RBPJ: variants seen among roughly 807,000 people sequenced by gnomAD.
RBPJ encodes the protein recombination signal binding protein for immunoglobulin kappa J region.
RBPJ carries 9 observed loss-of-function variants against 67.8 expected under a neutral mutation model. The observed-to-expected ratio is 0.13, with a 90% confidence interval of 0.08 to 0.23. RBPJ has a LOEUF of 0.23. Ranked by LOEUF, RBPJ falls within the 10% of genes least tolerant of loss-of-function variation. The pLI, the probability that RBPJ is intolerant of heterozygous loss-of-function variation, is 1.00. For synonymous variants in RBPJ, 198 were observed against 203.3 expected, an observed-to-expected ratio of 0.97 and a Z score of 0.22; for missense variants, 305 against 595.6, an observed-to-expected ratio of 0.51 and a Z score of 5.08.
chr4:26,314,010 A>C (rs1722523496), intron 1 of RBPJ, among the ~76,000 whole-genome samples: 1 of 152,158 alleles, frequency 6.6e-6, no homozygotes, highest in Non-Finnish European at 1.5e-5. Context: ...TCCAAGATAG[A>C]CTGTGAGGAA....
the RBPJ span, among the ~76,000 whole-genome samples, chr4:26,124,803 G>A: frequency 5.9e-5 from 9 of 152,090 alleles, no homozygotes; most frequent in African/African-American, 1.4e-4. Context: ...CCACAAACAC[G>A]TGAGTAATGC....
At position 26,432,433 on chromosome 4, in the gene RBPJ, C is replaced by T. The variant is rs553446718; in HGVS notation, c.*1426C>T. ...TTTTGTTTGTTTGTTTTCTCTTTTC[C>T]AGTACTGAGCATCTCCACAAATGTC... is the stretch of plus-strand genomic sequence containing the variant. On this transcript the variant is annotated 3_prime_UTR_variant, in exon 11 of 11. Transcript: ENST00000355476. 1.3e-5 allele frequency: 2 copies of T among 152,078 alleles called. No homozygotes were observed. Among genetic ancestry groups the T allele is most frequent in the East Asian group, 1.9e-4 (1 of 5,178 alleles). 9.4% of individuals were successfully genotyped at this position (152,078 alleles called of 1,614,324 possible). A position where few individuals can be genotyped will look rare whatever the true frequency, so the allele number is the denominator to read the frequency against.
chr4:26,167,166 T>G (rs1716349212), intron 1 of RBPJ, among the ~76,000 whole-genome samples: 2 of 152,076 alleles, frequency 1.3e-5, no homozygotes, highest in South Asian at 4.1e-4. Context: ...TCCAGCTTTG[T>G]TCTTTTGGCT....
In RBPJ at chr4:26,386,411, G is replaced by T. The variant is rs373255498; in HGVS notation, c.59+20G>T. On this transcript the variant is annotated intron_variant, in intron 2 of 10. Transcript: ENST00000355476. ...TACTAGGTGAGTATTATATTAGTCA[G>T]CTTTTTACACATACATTTTATGAAA... 5 of 1,527,812 alleles carry T rather than the reference G, an allele frequency of 3.3e-6. No homozygotes were observed. Among genetic ancestry groups the T allele is most frequent in the Non-Finnish European group, 4.5e-6 (5 of 1,116,334 alleles). The allele number at this position is 1,527,812 out of a possible 1,614,324, so 94.6% of individuals were successfully genotyped here.
chr4:26,194,821 A>G (rs528090092), intron 1 of RBPJ, among the ~76,000 whole-genome samples: 1 of 152,322 alleles, frequency 6.6e-6, no homozygotes, highest in South Asian at 2.1e-4. Flanking sequence ...GGCTGTGACC[A>G]GTGGTCCTGA....
At chr4:26,111,361 T>C in the RBPJ span, among the ~76,000 whole-genome samples, 1 of 152,158 alleles carries the variant, frequency 6.6e-6, no homozygotes, top group African/African-American at 2.4e-5. Flanking sequence ...CCTATCTCTA[T>C]ATAGTGGGCA....
chr4:26,210,700 T>TTTCTTTCTTTCTTTCCTTCTTTCC (rs1348512062), intron 1 of RBPJ, among the ~76,000 whole-genome samples: 1,593 of 59,428 alleles, frequency 0.027, 176 homozygotes, highest in Middle Eastern at 0.035. Context: ...TCTTTCTTTC[T>TTTCTTTCTTTCTTTCCTTCTTTCC]TTCTTTCCTT....
At chr4:26,335,552 G>C (rs773217973) in intron 1 of RBPJ, among the ~76,000 whole-genome samples, 13 of 151,314 alleles carry the variant, frequency 8.6e-5, no homozygotes, top group Non-Finnish European at 1.6e-4. Context: ...TACTCTCCAG[G>C]CTGCTTCATC....
chr4:26,298,052 T>C (rs753255367), intron 1 of RBPJ, among the ~76,000 whole-genome samples: 2 of 152,240 alleles, frequency 1.3e-5, no homozygotes, highest in Non-Finnish European at 2.9e-5. Context: ...TTTCTTCTGA[T>C]TTCCATGAAA....
upstream of RBPJ, among the ~76,000 whole-genome samples, chr4:26,315,675 AT>A (rs1284167185): frequency 2.0e-5 from 3 of 151,968 alleles, no homozygotes; most frequent in Non-Finnish European, 2.9e-5. Context: ...CCAGGGCAGG[AT>A]TTTTTCCCCA....
At chr4:26,316,595 A>ACAC (rs1560258580), upstream of RBPJ, among the ~76,000 whole-genome samples, 63 of 121,436 alleles carry the variant, frequency 5.2e-4, no homozygotes, top group African/African-American at 2.1e-3. Flanking sequence ...TCATATATAT[A>ACAC]ATATATATAT....
At chr4:26,192,396 T>G (rs979833735) in intron 1 of RBPJ, among the ~76,000 whole-genome samples, 5 of 152,224 alleles carry the variant, frequency 3.3e-5, no homozygotes, top group African/African-American at 1.2e-4. Flanking sequence ...GATACTCATC[T>G]AAGTATTTGT....
In RBPJ at chr4:26,426,386, G is replaced by A. The variant is rs189573762; in HGVS notation, c.747+1643G>A. Among the ~76,000 whole-genome samples the A allele has an allele frequency of 1.8e-3, 278 of 152,296 alleles. 1 individual carries two copies. Among genetic ancestry groups the A allele is most frequent in the Non-Finnish European group, 2.3e-3 (154 of 68,016 alleles). ...TACCAGTAGCCTGCCTTGCTTGAAAGTCATTAATTGAGGTTTTTACACTCA... is the reference window on the plus strand; with the variant it reads ...TACCAGTAGCCTGCCTTGCTTGAAAATCATTAATTGAGGTTTTTACACTCA... On this transcript the variant is annotated intron_variant, in intron 7 of 10. Coordinates refer to ENST00000355476, the MANE Select transcript of RBPJ (RefSeq NM_015874.6).
At chr4:26,204,593 T>C (rs1033625692) in intron 1 of RBPJ, among the ~76,000 whole-genome samples, 2 of 152,018 alleles carry the variant, frequency 1.3e-5, no homozygotes, top group African/African-American at 4.8e-5. Flanking sequence ...GGGTAGCACA[T>C]TGAGATGAGA....
At chr4:26,132,919 G>C in the RBPJ span, among the ~76,000 whole-genome samples, 1 of 152,156 alleles carries the variant, frequency 6.6e-6, no homozygotes, top group Non-Finnish European at 1.5e-5. Context: ...CTCCATCATA[G>C]GTGGGTTTTC....
intron 1 of RBPJ, among the ~76,000 whole-genome samples, chr4:26,303,622 G>A (rs1722147508): frequency 6.6e-6 from 1 of 151,952 alleles, no homozygotes; most frequent in Non-Finnish European, 1.5e-5. Flanking sequence ...TTATTAATAT[G>A]AAGTTTATAA....
the RBPJ span, among the ~76,000 whole-genome samples, chr4:26,135,353 A>G: frequency 2.6e-5 from 4 of 152,100 alleles, no homozygotes; most frequent in African/African-American, 9.7e-5. Flanking sequence ...GAGTGTGTGT[A>G]TCCCCACTTT....
At chr4:26,275,343 C>G (rs994646623) in intron 1 of RBPJ, among the ~76,000 whole-genome samples, 1 of 152,136 alleles carries the variant, frequency 6.6e-6, no homozygotes, top group Admixed American at 6.5e-5. Flanking sequence ...TGACTCTAGG[C>G]AAGGTTCTGG....
intron 1 of RBPJ, among the ~76,000 whole-genome samples, chr4:26,172,968 C>T (rs556862794): frequency 7.2e-5 from 11 of 152,250 alleles, no homozygotes; most frequent in East Asian, 3.9e-4. Context: ...TAGGGGCAGT[C>T]GTTCACAGGT....
Sources: allele counts gnomAD v4.1 joint callset (sites outside exome capture counted in the v4.1 genomes callset), GRCh38; gene constraint gnomAD v4.1.1; transcripts MANE v1.5; gene names NCBI Gene and HGNC (gene_info 2026-07-23, HGNC 2026-07-21).